The following ZNG1B variants were observed in gnomAD, a reference collection of about 807,000 sequenced individuals.
The protein encoded by ZNG1B is zinc-regulated GTPase metalloprotein activator 1B.
At chr2:113,488,546 A>T in the ZNG1B span, among the ~76,000 whole-genome samples, 19 of 152,056 alleles carry the variant, frequency 1.2e-4, no homozygotes, top group African/African-American at 4.1e-4. Flanking sequence ...AAAAGAATTC[A>T]CTAGGTTGGT....
the ZNG1B span, among the ~76,000 whole-genome samples, chr2:113,480,463 CTAATT>C: frequency 7.2e-6 from 1 of 138,542 alleles, no homozygotes; most frequent in African/African-American, 2.7e-5. Flanking sequence ...CTTTCTTAAA[CTAATT>C]TATCTCTGTT....
At chr2:113,462,701 C>T in the ZNG1B span, 1 of 610,376 alleles carries the variant, frequency 1.6e-6, no homozygotes, top group South Asian at 2.2e-5. Context: ...GAATATAGTT[C>T]ACAGTTAATA....
chr2:113,452,299 T>C, the ZNG1B span, among the ~76,000 whole-genome samples: 432 of 152,256 alleles, frequency 2.8e-3, 3 homozygotes, highest in African/African-American at 9.9e-3. Context: ...CACCGAGTGA[T>C]GCTTGGGGGA....
chr2:113,453,631 T>A, the ZNG1B span, among the ~76,000 whole-genome samples: 1 of 151,622 alleles, frequency 6.6e-6, no homozygotes, highest in African/African-American at 2.4e-5. Context: ...CCTTGCATTG[T>A]TGTTCTTTTC....
chr2:113,477,209 A>G, the ZNG1B span, among the ~76,000 whole-genome samples: 3 of 152,188 alleles, frequency 2.0e-5, no homozygotes, highest in African/African-American at 7.2e-5. Context: ...GGTGCGGGAT[A>G]TAATCTCGTG....
the ZNG1B span, among the ~76,000 whole-genome samples, chr2:113,440,082 C>A: frequency 1.9e-4 from 29 of 150,948 alleles, no homozygotes; most frequent in East Asian, 5.1e-3. Context: ...GACGGGGTTT[C>A]ACCGTTTTAG....
chr2:113,460,600 G>A, the ZNG1B span: 2 of 1,445,030 alleles, frequency 1.4e-6, no homozygotes, highest in East Asian at 4.6e-5. Flanking sequence ...TGTCTCTAAA[G>A]TAAAATCCTT....
chr2:113,476,466 G>A, the ZNG1B span, among the ~76,000 whole-genome samples: 2,496 of 149,630 alleles, frequency 0.017, 43 homozygotes, highest in Non-Finnish European at 0.028. Flanking sequence ...TAGTTTGATC[G>A]TCTGAAGCCT....
the ZNG1B span, among the ~76,000 whole-genome samples, chr2:113,475,567 G>T: frequency 6.6e-6 from 1 of 151,758 alleles, no homozygotes; most frequent in Non-Finnish European, 1.5e-5. Context: ...GTTAGTTGAT[G>T]CAGTTTCTTC....
At chr2:113,448,175 T>C in the ZNG1B span, among the ~76,000 whole-genome samples, 1 of 151,894 alleles carries the variant, frequency 6.6e-6, no homozygotes, top group Non-Finnish European at 1.5e-5. Context: ...CCTTGATCAG[T>C]GGGCTGCAGA....
At chr2:113,461,102 C>A in the ZNG1B span, among the ~76,000 whole-genome samples, 15 of 149,250 alleles carry the variant, frequency 1.0e-4, no homozygotes, top group South Asian at 4.2e-4. Context: ...CTCTGTCACC[C>A]AGGCTGAAGT....
chr2:113,474,254 G>C, the ZNG1B span, among the ~76,000 whole-genome samples: 1 of 151,848 alleles, frequency 6.6e-6, no homozygotes, highest in African/African-American at 2.4e-5. Flanking sequence ...ATTTCTTCTA[G>C]ATTTTCTAGT....
the ZNG1B span, chr2:113,437,815 A>T: frequency 6.2e-7 from 1 of 1,607,126 alleles, no homozygotes; most frequent in Non-Finnish European, 8.5e-7. Context: ...CGGCTGCGGT[A>T]CGGCGTGTTG....
chr2:113,451,988 A>G, the ZNG1B span, among the ~76,000 whole-genome samples: 7 of 151,970 alleles, frequency 4.6e-5, no homozygotes, highest in African/African-American at 1.4e-4. Flanking sequence ...ATTAATTAAA[A>G]TCATGTTTTA....
At chr2:113,441,227 C>G in the ZNG1B span, 3 of 1,411,152 alleles carry the variant, frequency 2.1e-6, no homozygotes, top group Non-Finnish European at 2.8e-6. Flanking sequence ...CTAGGATATT[C>G]TATACTAAAA....
chr2:113,450,045 C>G, the ZNG1B span, among the ~76,000 whole-genome samples: 1 of 150,762 alleles, frequency 6.6e-6, no homozygotes, highest in East Asian at 1.9e-4. Context: ...GATTTTTCTC[C>G]CTACCTCCTT....
the ZNG1B span, among the ~76,000 whole-genome samples, chr2:113,445,866 G>A: frequency 7.9e-5 from 12 of 151,058 alleles, no homozygotes; most frequent in Non-Finnish European, 1.3e-4. Flanking sequence ...AAAGTATTTG[G>A]GGGTAATTTA....
the ZNG1B span, chr2:113,439,031 C>G: frequency 6.7e-7 from 1 of 1,489,474 alleles, no homozygotes; most frequent in Non-Finnish European, 9.1e-7. Context: ...TATTCAGAGG[C>G]TGCTCTGCTG....
chr2:113,476,282 C>T, the ZNG1B span, among the ~76,000 whole-genome samples: 1 of 151,950 alleles, frequency 6.6e-6, no homozygotes, highest in African/African-American at 2.4e-5. Context: ...TTGATCGCAT[C>T]GGCTCCTGAG....
Sources: gnomAD v4.1 joint callset for allele counts (sites outside exome capture counted in the v4.1 genomes callset) on GRCh38, gnomAD v4.1.1 for gene constraint, MANE v1.5 for transcripts, NCBI Gene and HGNC (gene_info 2026-07-23, HGNC 2026-07-21) for gene names.